The following SLC31A2 variants were observed in gnomAD, a reference collection of about 807,000 sequenced individuals.
SLC31A2 encodes the protein solute carrier family 31 member 2, also known as protein SLC31A2.
A neutral mutation model predicts 14.4 loss-of-function variants in SLC31A2; 16 were observed. That is an observed-to-expected ratio of 1.11 (90% confidence interval 0.75 to 1.69). The LOEUF is 1.69. Among genes scored for constraint, SLC31A2 ranks in the 40% most tolerant of loss-of-function variants. The pLI is 0.00. For missense variants in SLC31A2, 140 were observed against 173.9 expected (o/e 0.81, Z 1.10); for synonymous variants, 56 against 68.7 (o/e 0.82, Z 0.91).
chr9:113,161,827 A>C, intron 3 of SLC31A2, 129 bp downstream of exon 3: 1 of 1,031,958 alleles, frequency 9.7e-7, no homozygotes, highest in Non-Finnish European at 1.5e-6. Flanking sequence ...AGGACTTGCC[A>C]AAGTGGCTAC....
chr9:113,154,315 TG>T (rs1829906036), intron 1 of SLC31A2, among the ~76,000 whole-genome samples: 1 of 152,186 alleles, frequency 6.6e-6, no homozygotes, highest in Non-Finnish European at 1.5e-5. Context: ...ACGAGGAGAC[TG>T]GGTCCACAGG....
intron 1 of SLC31A2, among the ~76,000 whole-genome samples, chr9:113,153,756 G>A (rs958433543): frequency 6.6e-6 from 1 of 152,080 alleles, no homozygotes; most frequent in Non-Finnish European, 1.5e-5. Context: ...GCAGCTCCAC[G>A]GTCTCCAGTG....
intron 2 of SLC31A2, among the ~76,000 whole-genome samples, chr9:113,159,077 CAG>C (rs1829971840): frequency 6.6e-6 from 1 of 152,134 alleles, no homozygotes; most frequent in Non-Finnish European, 1.5e-5. Flanking sequence ...CATTGAGTAA[CAG>C]AGGTTGCTCT....
chr9:113,156,082 G>A (rs769535117), intron 1 of SLC31A2: 1 of 518,920 alleles, frequency 1.9e-6, no homozygotes, highest in South Asian at 1.4e-5. Flanking sequence ...ACACCCACAT[G>A]GCACAGCTTC....
intron 1 of SLC31A2, 98 bp from the exon 2 acceptor site, chr9:113,157,629 C>G (rs758010107): frequency 4.0e-5 from 39 of 972,988 alleles, no homozygotes; most frequent in Non-Finnish European, 5.6e-5. Context: ...TCCAGTGACC[C>G]CATTTTTCTG....
In SLC31A2 at chr9:113,151,360, G is replaced by A. The variant is rs762078947; in HGVS notation, c.6+280G>A. On this transcript the variant is annotated intron_variant, in intron 1 of 3. Coordinates refer to ENST00000259392, the MANE Select transcript of SLC31A2 (RefSeq NM_001860.3). This position sits in a 1 kb window ranked among gnomAD's most constrained non-coding sequence, Gnocchi z 4.2. ...GGTGGCGCGGCTTGAGAGTGGGGGC[G>A]CGGTGGCTGAAGACAGCTGGGTCCG... Among the ~76,000 whole-genome samples, 1 of 152,098 alleles carries A rather than the reference G, an allele frequency of 6.6e-6. No individual in the cohort carries two copies. The highest frequency in any genetic ancestry group is 2.4e-5 in the African/African-American group (1 of 41,444).
intron 3 of SLC31A2, 137 bp from the exon 4 acceptor site, chr9:113,162,612 C>T (rs1026757623): frequency 4.2e-6 from 3 of 718,484 alleles, no homozygotes; most frequent in Non-Finnish European, 6.5e-6. Flanking sequence ...AGAAAGAAAT[C>T]ACTCCTGGGT....
intron 1 of SLC31A2, among the ~76,000 whole-genome samples, chr9:113,157,058 A>G (rs1227805714): frequency 2.0e-5 from 3 of 152,200 alleles, no homozygotes; most frequent in Non-Finnish European, 2.9e-5. Flanking sequence ...CCTGAACACA[A>G]GGTGGAGCAA....
At chr9:113,156,693 CT>C (rs1829937926) in intron 1 of SLC31A2, among the ~76,000 whole-genome samples, 1 of 152,332 alleles carries the variant, frequency 6.6e-6, no homozygotes, top group South Asian at 2.1e-4. Context: ...GGGGCCTTCA[CT>C]TCCCTGAGAG....
intron 1 of SLC31A2, among the ~76,000 whole-genome samples, chr9:113,155,686 C>T (rs536688944): frequency 1.3e-5 from 2 of 152,252 alleles, no homozygotes; most frequent in African/African-American, 4.8e-5. Context: ...CTCCCTTGAC[C>T]ATAGAATCCA....
intron 3 of SLC31A2, chr9:113,162,140 T>G: frequency 3.0e-6 from 1 of 331,418 alleles, no homozygotes; most frequent in Non-Finnish European, 5.7e-6. Context: ...AGGCAACCAT[T>G]TAGGGTCCCT....
intron 1 of SLC31A2, chr9:113,156,203 A>G (rs1829932820): frequency 3.9e-6 from 2 of 510,038 alleles, no homozygotes; most frequent in South Asian, 2.8e-5. Flanking sequence ...CAGCCTTCAC[A>G]AGTACCCACA....
chr9:113,161,551 T>C lies in SLC31A2; in HGVS notation c.116T>C (p.Leu39Pro). Residue 39 changes from leucine (L) to proline (P), a missense_variant, in exon 3 of 4, where the codon CTG becomes CCG. Transcript: ENST00000259392. ...TTGGTGCTCCTGCTTCTGGCTGTAC[T>C]GTATGAAGGCATCAAGGTTGGCAAA... is the stretch of plus-strand genomic sequence containing the variant. ...SVLVLLLLAV[L>P]YEGIKVGKAK... 6.2e-7 allele frequency: 1 copy of C among 1,614,026 alleles called. No homozygotes were observed. The highest frequency in any genetic ancestry group is 8.5e-7 in the Non-Finnish European group (1 of 1,179,878).
At position 113,163,452 on chromosome 9, in the gene SLC31A2, C is replaced by G. The variant is rs1357939815; in HGVS notation, c.*535C>G. 6.5e-6 allele frequency: 1 copy of G among 152,672 alleles called. No individual in the cohort carries two copies. The highest frequency in any genetic ancestry group is 2.4e-5 in the African/African-American group (1 of 41,454). 9.5% of individuals were successfully genotyped at this position (152,672 alleles called of 1,614,324 possible). On this transcript the variant is annotated 3_prime_UTR_variant, in exon 4 of 4. Coordinates refer to ENST00000259392, the MANE Select transcript of SLC31A2 (RefSeq NM_001860.3). ...CATGAAGATCATCTCGTCTATGGAT[C>G]ATGTTGACAAACTAAGTTTTTTTTA...
At chr9:113,154,890 T>C (rs1829914752) in intron 1 of SLC31A2, among the ~76,000 whole-genome samples, 1 of 152,224 alleles carries the variant, frequency 6.6e-6, no homozygotes, top group Non-Finnish European at 1.5e-5. Context: ...TCTTCATCTT[T>C]CTCAGGAAAT....
chr9:113,161,970 G>T, intron 3 of SLC31A2: 2 of 539,670 alleles, frequency 3.7e-6, no homozygotes, highest in Middle Eastern at 4.1e-4. Context: ...CCCCTATCTA[G>T]CAAATGAGGT....
In SLC31A2 at chr9:113,155,880, A is replaced by G. The variant is rs10981654; in HGVS notation, c.7-1847A>G. ...GCTCCCCTCGGAGGAAACTGAGGCC[A>G]GAGAGAGGCCCTGGTTAACAAATGT... is the stretch of plus-strand genomic sequence containing the variant. On this transcript the variant is annotated intron_variant, in intron 1 of 3. Coordinates refer to ENST00000259392, the MANE Select transcript of SLC31A2 (RefSeq NM_001860.3). The G allele has an allele frequency of 9.2e-4, 294 of 318,706 alleles. 5 individuals carry two copies. The East Asian group carries it at 0.019, about 21-fold the overall frequency. The allele number at this position is 318,706 out of a possible 1,614,324, so 19.7% of individuals were successfully genotyped here. A position where few individuals can be genotyped will look rare whatever the true frequency, so the allele number is the denominator to read the frequency against.
rs891210912 is a variant in SLC31A2, at chr9:113,161,170, G to T, written c.74-339G>T. ...TTATCTTTCCTTCCAGACATTTTTT[G>T]CATACTTACATATAAATAGGACCTT... On this transcript the variant is annotated intron_variant, in intron 2 of 3. Transcript: ENST00000259392. 17 of 223,868 alleles carry T rather than the reference G, an allele frequency of 7.6e-5. No homozygotes were observed. In the Admixed American group the frequency reaches 1.0e-3, roughly 13 times the overall value. 13.9% of individuals were successfully genotyped at this position (223,868 alleles called of 1,614,324 possible).
rs113652913 is a variant in SLC31A2 at position 113,151,430 on chromosome 9, G to T, written c.6+350G>T. On this transcript the variant is annotated intron_variant, in intron 1 of 3. Coordinates refer to ENST00000259392, the MANE Select transcript of SLC31A2 (RefSeq NM_001860.3). The surrounding 1 kb of genome is among the most constrained non-coding windows in gnomAD (Gnocchi z 4.2). ...TCTGGCCGGCGCCCCAGGGCGGAGAGCAGCGCCTTGGGAGATTCCAGGAAG... is the reference window on the plus strand; with the variant it reads ...TCTGGCCGGCGCCCCAGGGCGGAGATCAGCGCCTTGGGAGATTCCAGGAAG... Among the ~76,000 whole-genome samples, 5,565 of 152,078 alleles carry T rather than the reference G, an allele frequency of 0.037. 143 individuals carry two copies. Among genetic ancestry groups the T allele is most frequent in the African/African-American group, 0.07 (2,914 of 41,520 alleles).
Sources: gnomAD v4.1 joint callset for allele counts (sites outside exome capture counted in the v4.1 genomes callset) on GRCh38, gnomAD v4.1.1 for gene constraint, Gnocchi (gnomAD v3.1) non-coding constraint, MANE v1.5 for transcripts, NCBI Gene and HGNC (gene_info 2026-07-23, HGNC 2026-07-21) for gene names.